Variants in LPCAT1 observed in about 807,000 individuals in gnomAD.
LPCAT1 encodes lysophosphatidylcholine acyltransferase 1.
A neutral mutation model predicts 60.9 loss-of-function variants in LPCAT1; 23 were observed. That is an observed-to-expected ratio of 0.38 (90% CI 0.27 to 0.53). The LOEUF (loss-of-function observed/expected upper bound fraction) is 0.53. Ranked by LOEUF, LPCAT1 falls within the 20% of genes least tolerant of loss-of-function variation. The pLI is 0.82. For synonymous variants in LPCAT1, 340 were observed against 301.1 expected (o/e 1.13, Z -1.34); for missense variants, 622 against 723.6 (o/e 0.86, Z 1.61).
At chr5:1,474,981 C>T (rs145731348) in intron 9 of LPCAT1, among the ~76,000 whole-genome samples, 11 of 152,338 alleles carry the variant, frequency 7.2e-5, no homozygotes, top group African/African-American at 1.9e-4. Context: ...CGTGGAGACA[C>T]GAAGTGAGCT....
intron 2 of LPCAT1, among the ~76,000 whole-genome samples, chr5:1,497,784 T>G (rs1168523730): frequency 6.6e-6 from 1 of 152,212 alleles, no homozygotes; most frequent in East Asian, 1.9e-4. Flanking sequence ...AGAGTCATCA[T>G]GGGGATGGCA....
At position 1,480,479 on chromosome 5, in the gene LPCAT1, C is replaced by T. The variant is rs919133292; in HGVS notation, c.761+463G>A. On this transcript the variant is annotated intron_variant, in intron 7 of 13. Transcript: ENST00000283415. The surrounding 1 kb of genome is among the most constrained non-coding windows in gnomAD (Gnocchi z 6.4). ...TCTCCTCTGGGGCTCGTTCCCGTTT[C>T]CGTGGGGTTGTTCATTGTTGCATAA... is the stretch of plus-strand genomic sequence containing the variant. 3 of 544,516 alleles carry T rather than the reference C, an allele frequency of 5.5e-6. No homozygotes were observed. In the African/African-American group the frequency reaches 6.2e-5, roughly 11 times the overall value. 33.7% of individuals were successfully genotyped at this position (544,516 alleles called of 1,614,324 possible).
intron 9 of LPCAT1, 50 bp from the exon 10 acceptor site, chr5:1,474,735 C>T: frequency 6.4e-7 from 1 of 1,567,466 alleles, no homozygotes; most frequent in Non-Finnish European, 8.7e-7. Flanking sequence ...GCAGCCAGTT[C>T]CCACCGCCCC....
At chr5:1,515,742 C>T (rs1299004649) in intron 1 of LPCAT1, among the ~76,000 whole-genome samples, 2 of 152,114 alleles carry the variant, frequency 1.3e-5, no homozygotes, top group Admixed American at 1.3e-4. Flanking sequence ...CAGGGGGCCC[C>T]CCGGAACATC....
chr5:1,465,354 G>A (rs938287594), intron 13 of LPCAT1, among the ~76,000 whole-genome samples: 5 of 141,258 alleles, frequency 3.5e-5, no homozygotes, highest in South Asian at 2.2e-4. Context: ...ACACACATGC[G>A]CACGCACAAG....
intron 1 of LPCAT1, among the ~76,000 whole-genome samples, chr5:1,518,679 C>T (rs138237660): frequency 1.5e-3 from 235 of 152,304 alleles, no homozygotes; most frequent in African/African-American, 5.4e-3. Flanking sequence ...CGGCCAGCAC[C>T]GACCATGGCT....
rs983056528 is a variant in LPCAT1 at position 1,521,051 on chromosome 5, A to T, written c.135+2659T>A. Among the ~76,000 whole-genome samples the T allele has an allele frequency of 2.0e-5, 3 of 152,046 alleles. No individual in the cohort carries two copies. Among genetic ancestry groups the T allele is most frequent in the Non-Finnish European group, 4.4e-5 (3 of 68,000 alleles). ...TGTGACTATGAAGAACCTCAGCTGA[A>T]CTCACTAAGATCCTGTACCATACCA... On this transcript the variant is annotated intron_variant, in intron 1 of 13. Transcript: ENST00000283415. This position sits in a 1 kb window ranked among gnomAD's most constrained non-coding sequence, Gnocchi z 4.3.
intron 2 of LPCAT1, among the ~76,000 whole-genome samples, chr5:1,498,512 C>T (rs1735874518): frequency 6.6e-6 from 1 of 152,228 alleles, no homozygotes; most frequent in African/African-American, 2.4e-5. Flanking sequence ...ACAGACATCG[C>T]TCTCATATAT....
intron 1 of LPCAT1, among the ~76,000 whole-genome samples, chr5:1,517,801 A>G (rs1382304473): frequency 6.6e-6 from 1 of 152,250 alleles, no homozygotes; most frequent in Non-Finnish European, 1.5e-5. Flanking sequence ...CAAATTCAAG[A>G]GTAAAATCAA....
intron 9 of LPCAT1, among the ~76,000 whole-genome samples, chr5:1,475,027 C>T (rs966388786): frequency 3.4e-4 from 51 of 152,198 alleles, no homozygotes; most frequent in African/African-American, 1.1e-3. Context: ...GACCCAGAGA[C>T]GCCAAAGTGA....
chr5:1,516,572 G>A (rs577989288), intron 1 of LPCAT1, among the ~76,000 whole-genome samples: 3 of 152,074 alleles, frequency 2.0e-5, no homozygotes, highest in Non-Finnish European at 4.4e-5. Context: ...CCCAGCTTTG[G>A]TTCTACCCCA....
In LPCAT1 at chr5:1,498,741, T is replaced by TGCACTCACATGTAC. The variant is rs1211338851; in HGVS notation, c.278+2706_278+2719dup. 2.0e-5 allele frequency among the ~76,000 whole-genome samples: 3 copies of TGCACTCACATGTAC among 152,112 alleles called. No individual in the cohort carries two copies. The East Asian group carries it at 5.8e-4, about 29-fold the overall frequency. On this transcript the variant is annotated intron_variant, in intron 2 of 13. Coordinates refer to ENST00000283415, the MANE Select transcript of LPCAT1 (RefSeq NM_024830.5). ...AGACATCCATCCACACATATATACA[T>TGCACTCACATGTAC]GCACTCACATGTACACACATGCAAC...
rs938598165 is a variant in LPCAT1, at chr5:1,497,397, G to A, written c.279-2483C>T. 2.0e-5 allele frequency among the ~76,000 whole-genome samples: 3 copies of A among 152,366 alleles called. No homozygotes were observed. The South Asian group carries it at 6.2e-4, about 32-fold the overall frequency. On this transcript the variant is annotated intron_variant, in intron 2 of 13. Coordinates refer to ENST00000283415, the MANE Select transcript of LPCAT1 (RefSeq NM_024830.5). ...GCAGGCGCAGGCCCCGGCTCTGCAG[G>A]TTCCAAATGTTCTGCTGTGAGCAGA...
chr5:1,499,183 C>T (rs1428391319), intron 2 of LPCAT1, among the ~76,000 whole-genome samples: 2 of 152,342 alleles, frequency 1.3e-5, no homozygotes, highest in Non-Finnish European at 2.9e-5. Context: ...AGAAAAGCCA[C>T]CAGGGTTAGC....
At chr5:1,467,500 C>T (rs1363624525) in intron 12 of LPCAT1, among the ~76,000 whole-genome samples, 2 of 152,066 alleles carry the variant, frequency 1.3e-5, no homozygotes, top group Non-Finnish European at 2.9e-5. Flanking sequence ...GTGGAAGCGG[C>T]GGCTCCGGCC....
intron 9 of LPCAT1, among the ~76,000 whole-genome samples, chr5:1,475,000 G>A (rs999618550): frequency 1.5e-4 from 23 of 152,226 alleles, no homozygotes; most frequent in African/African-American, 4.8e-4. Context: ...CTCATGGTGC[G>A]AGAATTACCA....
chr5:1,517,693 G>A (rs1483471638), intron 1 of LPCAT1, among the ~76,000 whole-genome samples: 1 of 151,360 alleles, frequency 6.6e-6, no homozygotes, highest in Non-Finnish European at 1.5e-5. Flanking sequence ...AAAAGCCAAT[G>A]TTAGGAAGAA....
chr5:1,481,566 A>G lies in LPCAT1; in HGVS notation c.727-590T>C, dbSNP rs1284885398. ...CCCAGACACCGTCACCCTGGGGTGGACCTTCTGCTCCCCTGACGGCTAAGC... is the reference window on the plus strand; with the variant it reads ...CCCAGACACCGTCACCCTGGGGTGGGCCTTCTGCTCCCCTGACGGCTAAGC... On this transcript the variant is annotated intron_variant, in intron 6 of 13. Coordinates refer to ENST00000283415, the MANE Select transcript of LPCAT1 (RefSeq NM_024830.5). This position sits in a 1 kb window ranked among gnomAD's most constrained non-coding sequence, Gnocchi z 7.8. 6.6e-6 allele frequency among the ~76,000 whole-genome samples: 1 copy of G among 152,252 alleles called. No individual in the cohort carries two copies. Among genetic ancestry groups the G allele is most frequent in the African/African-American group, 2.4e-5 (1 of 41,470 alleles).
intron 5 of LPCAT1, among the ~76,000 whole-genome samples, chr5:1,484,080 G>A (rs780554533): frequency 1.7e-4 from 26 of 152,222 alleles, no homozygotes; most frequent in Non-Finnish European, 3.4e-4. Flanking sequence ...TGCCCCTGGG[G>A]CTCAGCTCCA....
Sources: allele counts gnomAD v4.1 joint callset (sites outside exome capture counted in the v4.1 genomes callset), GRCh38; gene constraint gnomAD v4.1.1; non-coding constraint Gnocchi (gnomAD v3.1); transcripts MANE v1.5; gene names NCBI Gene and HGNC (gene_info 2026-07-23, HGNC 2026-07-21).